The following STK32A variants were observed in gnomAD, a reference collection of about 807,000 sequenced individuals.
STK32A encodes serine/threonine-protein kinase 32A.
Under a neutral mutation model 53.2 loss-of-function variants are expected in STK32A, and 41 were observed. The observed-to-expected ratio is 0.77, with a 90% CI of 0.60 to 1.00. STK32A has a LOEUF of 1.00. STK32A is among the 50% of genes least tolerant of loss of function. STK32A has a pLI of 0.00. For missense variants in STK32A, 458 were observed against 485.8 expected (o/e 0.94, Z 0.54); for synonymous variants, 166 against 162.8 (o/e 1.02, Z -0.15).
At chr5:147,314,498 C>CAAAAAAAA (rs1171767950) in intron 4 of STK32A, among the ~76,000 whole-genome samples, 1 of 10,622 alleles carries the variant, frequency 9.4e-5, no homozygotes, top group African/African-American at 6.6e-4. Flanking sequence ...AACTCCATAT[C>CAAAAAAAA]AAAAAAAACA....
At chr5:147,341,929 G>C (rs771278876) in intron 5 of STK32A, among the ~76,000 whole-genome samples, 4 of 152,150 alleles carry the variant, frequency 2.6e-5, no homozygotes, top group African/African-American at 4.8e-5. Flanking sequence ...AATGAAGGGA[G>C]TAGTCTGGTG....
chr5:147,396,213 A>G, the STK32A span, among the ~76,000 whole-genome samples: 5 of 152,280 alleles, frequency 3.3e-5, no homozygotes, highest in South Asian at 1.0e-3. Context: ...TCTTCAGCAC[A>G]CACCAGGGTG....
intron 4 of STK32A, among the ~76,000 whole-genome samples, chr5:147,286,181 A>G (rs1287422729): frequency 6.6e-6 from 1 of 152,064 alleles, no homozygotes; most frequent in Non-Finnish European, 1.5e-5. Flanking sequence ...GGAATTGAAA[A>G]CCAAACATCA....
intron 4 of STK32A, among the ~76,000 whole-genome samples, chr5:147,294,934 C>T (rs1217446636): frequency 1.3e-5 from 2 of 152,152 alleles, no homozygotes; most frequent in African/African-American, 2.4e-5. Context: ...CTGCCCGCCT[C>T]GGCCTCCCAA....
intron 4 of STK32A, among the ~76,000 whole-genome samples, chr5:147,284,414 T>C (rs1264609926): frequency 1.3e-5 from 2 of 151,892 alleles, no homozygotes; most frequent in Non-Finnish European, 2.9e-5. Context: ...GCCAGAGCAA[T>C]AAGACAAGAG....
In STK32A at chr5:147,235,179, TGAAG is replaced by T. The variant is rs1434288846; in HGVS notation, c.-112_-109del. ...ATCGCTCCGAGCCTCATGGGAGGAA[TGAAG>T]GAAGAATCGAGACTAGGTGAGTGGT... is the stretch of plus-strand genomic sequence containing the variant. On this transcript the variant is annotated 5_prime_UTR_variant, in exon 1 of 13. It introduces an in-frame stop codon into an upstream open reading frame of the 5' UTR. Transcript: ENST00000397936. 6.6e-6 allele frequency: 1 copy of T among 152,372 alleles called. No individual in the cohort carries two copies. The highest frequency in any genetic ancestry group is 1.9e-4 in the East Asian group (1 of 5,186). 9.4% of individuals were successfully genotyped at this position (152,372 alleles called of 1,614,324 possible).
the STK32A span, chr5:147,397,872 C>T: frequency 6.7e-7 from 1 of 1,495,826 alleles, no homozygotes; most frequent in Non-Finnish European, 9.0e-7. Context: ...GAAGCAAAGC[C>T]ACAGTAAGGG....
intron 6 of STK32A, among the ~76,000 whole-genome samples, chr5:147,343,447 T>C (rs1755538469): frequency 6.6e-6 from 1 of 152,236 alleles, no homozygotes; most frequent in Non-Finnish European, 1.5e-5. Context: ...GACATTATTT[T>C]GTTCTCATTG....
At chr5:147,279,131 A>G (rs1751912297) in intron 3 of STK32A, 116 bp from the exon 4 acceptor site, 1 of 915,826 alleles carries the variant, frequency 1.1e-6, no homozygotes, top group Non-Finnish European at 1.5e-6. Context: ...TTAACATCAT[A>G]TAATTTGCAA....
chr5:147,368,701 A>T (rs981447834), intron 8 of STK32A, among the ~76,000 whole-genome samples: 43 of 152,330 alleles, frequency 2.8e-4, no homozygotes, highest in Non-Finnish European at 3.1e-4. Context: ...AAAATAAGAT[A>T]AAGACAATGT....
the STK32A span, chr5:147,401,777 A>G: frequency 6.5e-7 from 1 of 1,545,468 alleles, no homozygotes; most frequent in African/African-American, 1.4e-5. Flanking sequence ...TTAGCTCCTA[A>G]GCCTACCCAG....
In STK32A at chr5:147,278,066, T is replaced by C. The variant is rs1023750119; in HGVS notation, c.53-58T>C. 7.3e-6 allele frequency: 10 copies of C among 1,364,534 alleles called. No individual in the cohort carries two copies. In the African/African-American group the frequency reaches 1.0e-4, roughly 14 times the overall value. The allele number at this position is 1,364,534 out of a possible 1,614,324, so 84.5% of individuals were successfully genotyped here. A position where few individuals can be genotyped will look rare whatever the true frequency, so the allele number is the denominator to read the frequency against. ...AGTTTAGTCCAATCTTTATTATTTATTAGCTACTAAAGAGAAATTGATAAT... is the reference window on the plus strand; with the variant it reads ...AGTTTAGTCCAATCTTTATTATTTACTAGCTACTAAAGAGAAATTGATAAT... On this transcript the variant is annotated intron_variant, in intron 2 of 12. Coordinates refer to ENST00000397936, the MANE Select transcript of STK32A (RefSeq NM_001112724.2).
chr5:147,320,317 T>A (rs897777681), intron 4 of STK32A, among the ~76,000 whole-genome samples: 12 of 152,336 alleles, frequency 7.9e-5, no homozygotes, highest in African/African-American at 2.9e-4. Context: ...CCATTTACCA[T>A]GACTCCCAAA....
rs1581147930 is a variant in STK32A, at chr5:147,370,653, G to A, written c.661-1G>A. The A allele has an allele frequency of 2.5e-6, 4 of 1,602,202 alleles. No homozygotes were observed. The East Asian group carries it at 8.9e-5, about 36-fold the overall frequency. On this transcript the variant is annotated splice_acceptor_variant, in intron 8 of 12. Transcript: ENST00000397936. LOFTEE classifies it high-confidence loss of function. ...GACTTTTACTTCTTTTCTCCCTTAA[G>A]AGACCGTATCATATTCGCTCCAGTA...
At chr5:147,341,595 C>T (rs554185220) in intron 5 of STK32A, among the ~76,000 whole-genome samples, 3 of 152,288 alleles carry the variant, frequency 2.0e-5, no homozygotes, top group African/African-American at 7.2e-5. Flanking sequence ...TGATATCCCT[C>T]TTCCACCTCC....
intron 4 of STK32A, among the ~76,000 whole-genome samples, chr5:147,280,357 T>G (rs1419705567): frequency 6.8e-6 from 1 of 147,562 alleles, no homozygotes; most frequent in Non-Finnish European, 1.5e-5. Context: ...TGGGGCAGGT[T>G]TTCAAGCAGG....
chr5:147,288,935 C>T (rs185667963), intron 4 of STK32A, among the ~76,000 whole-genome samples: 35 of 152,272 alleles, frequency 2.3e-4, no homozygotes, highest in African/African-American at 8.4e-4. Context: ...GTGCTATGGC[C>T]AGTACCCAGC....
chr5:147,375,043 A>G (rs368571565), intron 10 of STK32A, 47 bp from the exon 11 acceptor site: 44 of 1,539,494 alleles, frequency 2.9e-5, no homozygotes, highest in Admixed American at 8.6e-5. Flanking sequence ...TGTGTTTTTC[A>G]GAATGATACA....
At chr5:147,237,852 G>T (rs962372911) in intron 1 of STK32A, among the ~76,000 whole-genome samples, 3 of 152,082 alleles carry the variant, frequency 2.0e-5, no homozygotes, top group African/African-American at 7.2e-5. Flanking sequence ...ACTTCCTTAG[G>T]GGTTTCATAA....
Sources: allele counts gnomAD v4.1 joint callset (sites outside exome capture counted in the v4.1 genomes callset), GRCh38; gene constraint gnomAD v4.1.1; transcripts MANE v1.5; gene names NCBI Gene and HGNC (gene_info 2026-07-23, HGNC 2026-07-21).